NRG1: variants seen among roughly 807,000 people sequenced by gnomAD.
The protein encoded by NRG1 is pro-neuregulin-1, membrane-bound isoform.
In NRG1, 18 loss-of-function variants were observed where a neutral mutation model predicts 63.8. The observed-to-expected ratio is 0.28, with a 90% CI of 0.19 to 0.42. NRG1 has a LOEUF of 0.42. Among genes scored for constraint, NRG1 ranks in the 10% least tolerant of loss-of-function variants. The pLI, the probability that NRG1 is intolerant of heterozygous loss-of-function variation, is 1.00. For synonymous variants in NRG1, 302 were observed against 301.3 expected (o/e 1.00, Z -0.02); for missense variants, 762 against 814.7 (o/e 0.94, Z 0.79).
At chr8:31,746,691 A>G (rs1815907213) in intron 1 of NRG1, among the ~76,000 whole-genome samples, 1 of 151,994 alleles carries the variant, frequency 6.6e-6, no homozygotes, top group Admixed American at 6.6e-5. Flanking sequence ...AGTATATCAA[A>G]GAGGTATCTA....
In NRG1 at chr8:31,832,171, G is replaced by T. The variant is rs544505363; in HGVS notation, c.37+192740G>T. ...TCCAACTGTACTTAGGGACTAAAAA[G>T]AGCATTTTTAAATGAGATTTTGCTC... On this transcript the variant is annotated intron_variant, in intron 1 of 10. Transcript: ENST00000519301. Among the ~76,000 whole-genome samples, 61 of 151,892 alleles carry T rather than the reference G, an allele frequency of 4.0e-4. 1 individual carries two copies. The highest frequency in any genetic ancestry group is 1.3e-3 in the African/African-American group (54 of 41,438).
intron 1 of NRG1, among the ~76,000 whole-genome samples, chr8:32,095,303 A>G (rs1193872036): frequency 6.6e-6 from 1 of 152,190 alleles, no homozygotes; most frequent in East Asian, 1.9e-4. Context: ...GAGAGTGAAG[A>G]CTGGGCTCAT....
chr8:32,616,328 T>C (rs368797468), intron 4 of NRG1, among the ~76,000 whole-genome samples: 65 of 152,234 alleles, frequency 4.3e-4, no homozygotes, highest in African/African-American at 1.5e-3. Flanking sequence ...TAGCAGACTT[T>C]GCATGGACTT....
chr8:32,699,775 A>G (rs1814362891), intron 5 of NRG1, among the ~76,000 whole-genome samples: 1 of 152,184 alleles, frequency 6.6e-6, no homozygotes. Context: ...ATGTTCCTAT[A>G]ATGTCAATGT....
intron 1 of NRG1, among the ~76,000 whole-genome samples, chr8:32,001,904 CATT>C (rs1276159560): frequency 6.6e-6 from 1 of 152,048 alleles, no homozygotes; most frequent in Non-Finnish European, 1.5e-5. Context: ...GCCTGAACAT[CATT>C]GACTTTTCCC....
chr8:32,032,775 T>C (rs1186554030), intron 1 of NRG1, among the ~76,000 whole-genome samples: 6 of 152,228 alleles, frequency 3.9e-5, no homozygotes, highest in Non-Finnish European at 8.8e-5. Context: ...GCTCTTTAGT[T>C]TAATTAGATC....
intron 5 of NRG1, among the ~76,000 whole-genome samples, chr8:32,649,927 C>T (rs1003093472): frequency 2.6e-5 from 4 of 152,056 alleles, no homozygotes; most frequent in Non-Finnish European, 2.9e-5. Flanking sequence ...CAAAAAGAAG[C>T]GAAATTCACC....
At chr8:32,436,201 AG>A (rs1410737683) in intron 1 of NRG1, among the ~76,000 whole-genome samples, 24 of 152,166 alleles carry the variant, frequency 1.6e-4, no homozygotes, top group Non-Finnish European at 1.5e-4. Context: ...GCAAAGCAAA[AG>A]GGAAAACACC....
chr8:32,138,115 TC>T (rs1208395911), intron 1 of NRG1, among the ~76,000 whole-genome samples: 2 of 152,086 alleles, frequency 1.3e-5, no homozygotes, highest in African/African-American at 4.8e-5. Context: ...TACTGCCTGT[TC>T]CTTGCATCTC....
At chr8:32,254,176 T>A (rs1411548095) in intron 1 of NRG1, among the ~76,000 whole-genome samples, 2 of 152,184 alleles carry the variant, frequency 1.3e-5, no homozygotes, top group East Asian at 3.9e-4. Flanking sequence ...GGGTTTTTCA[T>A]GTCTCTATCT....
At chr8:32,009,988 C>T (rs1478674662) in intron 1 of NRG1, among the ~76,000 whole-genome samples, 1 of 149,418 alleles carries the variant, frequency 6.7e-6, no homozygotes, top group Non-Finnish European at 1.5e-5. Flanking sequence ...TCTTGACATT[C>T]ATTGTAGAGA....
chr8:32,620,972 T>C (rs1360863915), intron 5 of NRG1, among the ~76,000 whole-genome samples: 3 of 152,208 alleles, frequency 2.0e-5, no homozygotes, highest in African/African-American at 7.2e-5. Context: ...ATATATTTTA[T>C]AGGTCACTGT....
At chr8:32,391,857 T>C (rs1249367952) in intron 1 of NRG1, among the ~76,000 whole-genome samples, 3 of 152,196 alleles carry the variant, frequency 2.0e-5, no homozygotes, top group Non-Finnish European at 4.4e-5. Flanking sequence ...CAGCTGCTGA[T>C]ATTTTGGATG....
chr8:32,544,235 C>T (rs1456688569), upstream of NRG1, among the ~76,000 whole-genome samples: 2 of 152,126 alleles, frequency 1.3e-5, no homozygotes, highest in African/African-American at 2.4e-5. Flanking sequence ...TCTTCAGGGA[C>T]TCTGACTTGC....
At chr8:31,706,908 A>G (rs1208515608) in intron 1 of NRG1, among the ~76,000 whole-genome samples, 3 of 152,052 alleles carry the variant, frequency 2.0e-5, no homozygotes. Context: ...ATTTATTTCT[A>G]TAGGCTTCAT....
At chr8:32,144,099 C>A (rs757480554) in intron 1 of NRG1, among the ~76,000 whole-genome samples, 3 of 152,212 alleles carry the variant, frequency 2.0e-5, no homozygotes, top group African/African-American at 7.2e-5. Context: ...ACAGGCCAAT[C>A]GGCAGTGGAG....
chr8:31,858,444 T>TG lies in NRG1; in HGVS notation c.37+219014dup, dbSNP rs201167521. Among the ~76,000 whole-genome samples, 624 of 152,292 alleles carry TG rather than the reference T, an allele frequency of 4.1e-3. 4 individuals are homozygous for TG. The highest frequency in any genetic ancestry group is 0.041 in the Middle Eastern group (12 of 294). On this transcript the variant is annotated intron_variant, in intron 1 of 10. Transcript: ENST00000519301. ...AGAGAAAATTAAAAAATCATTATTT[T>TG]GAAGGGTGGTTTTCTCTTATTCTGT...
chr8:32,752,412 C>A (rs915929909), intron 7 of NRG1, among the ~76,000 whole-genome samples: 9 of 152,178 alleles, frequency 5.9e-5, no homozygotes, highest in Non-Finnish European at 1.3e-4. Flanking sequence ...CTGACTTTTG[C>A]TGCACACAAA....
At chr8:32,248,836 A>T (rs1249499512) in intron 1 of NRG1, among the ~76,000 whole-genome samples, 1 of 152,136 alleles carries the variant, frequency 6.6e-6, no homozygotes, top group Non-Finnish European at 1.5e-5. Context: ...AAACTCAGAG[A>T]AAACAGCTAT....
Sources: allele counts gnomAD v4.1 joint callset (sites outside exome capture counted in the v4.1 genomes callset), GRCh38; gene constraint gnomAD v4.1.1; transcripts MANE v1.5; gene names NCBI Gene and HGNC (gene_info 2026-07-23, HGNC 2026-07-21).